OSBPL10: variants seen among roughly 807,000 people sequenced by gnomAD.
OSBPL10 encodes the protein oxysterol binding protein like 10.
A neutral mutation model predicts 81.7 loss-of-function variants in OSBPL10; 49 were observed. The ratio of observed to expected loss-of-function variants is 0.60; its 90% confidence interval spans 0.48 to 0.76. The LOEUF (loss-of-function observed/expected upper bound fraction) is 0.76, where lower values mean the gene tolerates loss of function less well. Ranked by LOEUF, OSBPL10 falls within the 30% of genes least tolerant of loss-of-function variation. The pLI, the probability that OSBPL10 is intolerant of heterozygous loss-of-function variation, is 0.00. For synonymous variants in OSBPL10, 419 were observed against 383.6 expected (o/e 1.09, Z -1.08); for missense variants, 923 against 987.8 (o/e 0.93, Z 0.88).
At chr3:32,045,635 G>T (rs4955227) in intron 2 of OSBPL10, among the ~76,000 whole-genome samples, 109,901 of 152,114 alleles carry the variant, frequency 0.72, 41,657 homozygotes, top group East Asian at 0.91. Context: ...ATCCAACTTG[G>T]AAACTATGCC....
intron 4 of OSBPL10, among the ~76,000 whole-genome samples, chr3:31,813,797 G>T (rs1391687984): frequency 6.6e-6 from 1 of 152,178 alleles, no homozygotes; most frequent in African/African-American, 2.4e-5. Context: ...CTAAGCCCGG[G>T]TGTCCTCATC....
chr3:31,811,328 C>T (rs1279589773), intron 4 of OSBPL10, among the ~76,000 whole-genome samples: 5 of 152,188 alleles, frequency 3.3e-5, no homozygotes, highest in African/African-American at 9.7e-5. Flanking sequence ...AGCCTCCACC[C>T]GGAGAGGCCT....
intron 6 of OSBPL10, among the ~76,000 whole-genome samples, chr3:31,716,838 T>A (rs1005574168): frequency 6.6e-6 from 1 of 152,198 alleles, no homozygotes; most frequent in Non-Finnish European, 1.5e-5. Flanking sequence ...ATAAGGGTGA[T>A]TATATTTTCA....
Position 32,037,856 on chromosome 3 carries a change from A to G in OSBPL10, n.298+8635T>C, listed in dbSNP as rs544319943. Among the ~76,000 whole-genome samples, 18 of 152,276 alleles carry G rather than the reference A, an allele frequency of 1.2e-4. No homozygotes were observed. The South Asian group carries it at 3.1e-3, about 26-fold the overall frequency. On this transcript the variant is annotated intron_variant and non_coding_transcript_variant, in intron 2 of 3. Transcript: ENST00000479173. ...AGGCCTTGAAAGAGCTCACTGCTTC[A>G]TGGAGGAGTGAAAACAGACTTCATA...
Position 31,794,450 on chromosome 3 carries a change from G to A in OSBPL10, c.729+35590C>T, listed in dbSNP as rs372606307. ...ATTACAGCCGTGAGCCACCGCTCCC[G>A]GCCTTCCTCACATAGTTGAATGGCC... On this transcript the variant is annotated intron_variant, in intron 4 of 11. Coordinates refer to ENST00000396556, the MANE Select transcript of OSBPL10 (RefSeq NM_017784.5). 1.4e-4 allele frequency: 26 copies of A among 181,304 alleles called. 1 individual carries two copies. The highest frequency in any genetic ancestry group is 1.2e-4 in the Admixed American group (2 of 16,498). The allele number at this position is 181,304 out of a possible 1,614,324, so 11.2% of individuals were successfully genotyped here.
chr3:31,819,589 C>T (rs1373578700), intron 4 of OSBPL10, among the ~76,000 whole-genome samples: 1 of 152,192 alleles, frequency 6.6e-6, no homozygotes, highest in Non-Finnish European at 1.5e-5. Context: ...CTCAGCCATA[C>T]TTCTAGGAGG....
intron 4 of OSBPL10, among the ~76,000 whole-genome samples, chr3:31,815,083 T>TGTAA (rs1425670273): frequency 2.6e-5 from 4 of 151,968 alleles, no homozygotes; most frequent in South Asian, 4.2e-4. Flanking sequence ...TGTAAGAATC[T>TGTAA]GAAGTGGCCA....
intron 1 of OSBPL10, among the ~76,000 whole-genome samples, chr3:31,920,144 T>C (rs370326938): frequency 6.6e-6 from 1 of 152,212 alleles, no homozygotes; most frequent in South Asian, 2.1e-4. Flanking sequence ...GGGTTGCTAG[T>C]GGTTTAGGGG....
chr3:31,768,532 T>C (rs1163935948), intron 4 of OSBPL10, among the ~76,000 whole-genome samples: 2 of 134,860 alleles, frequency 1.5e-5, no homozygotes, highest in Non-Finnish European at 3.1e-5. Context: ...TTTTCAGATT[T>C]CCCAGATGTA....
chr3:31,874,827 A>G lies in OSBPL10; in HGVS notation c.537+1606T>C, dbSNP rs148210042. Among the ~76,000 whole-genome samples the G allele has an allele frequency of 6.8e-3, 1,034 of 152,308 alleles. 3 individuals are homozygous for G. The highest frequency in any genetic ancestry group is 0.01 in the Non-Finnish European group (708 of 68,000). ...GAAAATTTCAAAGACATATTCTAAG[A>G]TCTAGCAATTCCACTGGTATAAATT... On this transcript the variant is annotated intron_variant, in intron 3 of 11. Transcript: ENST00000396556.
At chr3:31,824,453 T>C (rs1302595251) in intron 4 of OSBPL10, among the ~76,000 whole-genome samples, 1 of 152,192 alleles carries the variant, frequency 6.6e-6, no homozygotes, top group Non-Finnish European at 1.5e-5. Context: ...ATCCAAAAAA[T>C]GGTCCAAATC....
chr3:31,886,727 G>A (rs1478229011), intron 1 of OSBPL10, among the ~76,000 whole-genome samples: 1 of 152,132 alleles, frequency 6.6e-6, no homozygotes, highest in African/African-American at 2.4e-5. Context: ...GGATCACGAG[G>A]TCAGGAGTTC....
At position 31,807,403 on chromosome 3, in the gene OSBPL10, A is replaced by AT. The variant is rs1699547875; in HGVS notation, c.729+22636_729+22637insA. ...TAAATAAATAAATAAATAAATAAAT[A>AT]AGATTCACTCTGCATGCTGTGTTGG... On this transcript the variant is annotated intron_variant, in intron 4 of 11. Coordinates refer to ENST00000396556, the MANE Select transcript of OSBPL10 (RefSeq NM_017784.5). 2.0e-5 allele frequency among the ~76,000 whole-genome samples: 3 copies of AT among 151,314 alleles called. No individual in the cohort carries two copies. The South Asian group carries it at 6.3e-4, about 32-fold the overall frequency.
chr3:31,823,836 A>ATGTG (rs1228833321), intron 4 of OSBPL10, among the ~76,000 whole-genome samples: 4 of 89,338 alleles, frequency 4.5e-5, no homozygotes, highest in East Asian at 5.5e-4. Context: ...TTTAATTTGT[A>ATGTG]TGTGTGTATG....
At chr3:31,910,909 C>G (rs1184144835) in intron 1 of OSBPL10, among the ~76,000 whole-genome samples, 1 of 152,188 alleles carries the variant, frequency 6.6e-6, no homozygotes, top group Non-Finnish European at 1.5e-5. Context: ...TTACTCAAAT[C>G]ATTATGTAAC....
intron 1 of OSBPL10, among the ~76,000 whole-genome samples, chr3:31,925,963 A>G (rs1052086397): frequency 6.6e-6 from 1 of 152,206 alleles, no homozygotes; most frequent in Admixed American, 6.5e-5. Context: ...CTACTGATCC[A>G]TCGAGACCCA....
rs774085997 is a variant in OSBPL10 at position 31,940,290 on chromosome 3, G to A, written c.281+40609C>T. Among the ~76,000 whole-genome samples, 99 of 152,350 alleles carry A rather than the reference G, an allele frequency of 6.5e-4. No homozygotes were observed. In the Middle Eastern group the frequency reaches 0.014, roughly 21 times the overall value. ...CTCAACAATGTGGCTGAGCTCCAAA[G>A]TATTATGTTGACTTAAGAGAGCCAG... On this transcript the variant is annotated intron_variant, in intron 1 of 11. Transcript: ENST00000396556.
At chr3:31,902,894 C>T (rs1696292121) in intron 1 of OSBPL10, among the ~76,000 whole-genome samples, 1 of 152,198 alleles carries the variant, frequency 6.6e-6, no homozygotes, top group Non-Finnish European at 1.5e-5. Flanking sequence ...GCTCACCCTT[C>T]TATGGAGTCT....
chr3:31,835,535 G>A (rs979571172), intron 3 of OSBPL10, among the ~76,000 whole-genome samples: 1 of 152,072 alleles, frequency 6.6e-6, no homozygotes, highest in African/African-American at 2.4e-5. Context: ...AAAAATTTCT[G>A]AGCGTCCACT....
Sources: gnomAD v4.1 joint callset for allele counts (sites outside exome capture counted in the v4.1 genomes callset) on GRCh38, gnomAD v4.1.1 for gene constraint, MANE v1.5 for transcripts, NCBI Gene and HGNC (gene_info 2026-07-23, HGNC 2026-07-21) for gene names.